Variants in OPCML observed in about 807,000 individuals in gnomAD.
OPCML encodes the protein opioid binding protein/cell adhesion molecule like, also known as opioid-binding protein/cell adhesion molecule.
In OPCML, 13 loss-of-function variants were observed where a neutral mutation model predicts 37.8. That is an observed-to-expected ratio of 0.34 (90% CI 0.22 to 0.55). The LOEUF (loss-of-function observed/expected upper bound fraction) is 0.55, where lower values mean the gene tolerates loss of function less well. Among genes scored for constraint, OPCML ranks in the 20% least tolerant of loss-of-function variants. OPCML has a pLI of 0.91. For missense variants in OPCML, 341 were observed against 435.6 expected, an observed-to-expected ratio of 0.78 and a Z score of 1.93; for synonymous variants, 176 against 168.8, an observed-to-expected ratio of 1.04 and a Z score of -0.33.
At chr11:132,969,866 T>C (rs974248354) in intron 1 of OPCML, among the ~76,000 whole-genome samples, 3 of 152,228 alleles carry the variant, frequency 2.0e-5, no homozygotes, top group Non-Finnish European at 2.9e-5. Flanking sequence ...GTTTTTTAAA[T>C]ATATTTATTA....
At chr11:133,287,424 C>T (rs1422856288) in intron 1 of OPCML, among the ~76,000 whole-genome samples, 1 of 150,132 alleles carries the variant, frequency 6.7e-6, no homozygotes, top group Non-Finnish European at 1.5e-5. Flanking sequence ...AATATTGCTT[C>T]GACATGCACA....
At chr11:132,553,522 T>G (rs2096387218) in intron 3 of OPCML, among the ~76,000 whole-genome samples, 1 of 152,206 alleles carries the variant, frequency 6.6e-6, no homozygotes, top group Non-Finnish European at 1.5e-5. Flanking sequence ...CAGAAGGGCA[T>G]AGCTGAGTGC....
At chr11:132,620,850 G>A (rs1939359783) in intron 3 of OPCML, among the ~76,000 whole-genome samples, 1 of 152,198 alleles carries the variant, frequency 6.6e-6, no homozygotes, top group South Asian at 2.1e-4. Context: ...AGAGAAGCCA[G>A]ATCCCATGCC....
At position 133,504,003 on chromosome 11, in the gene OPCML, AAGACGGGCTTCCTGAGGAAGACTCTACT is replaced by A. The variant is rs555325637; in HGVS notation, c.61+28233_61+28260del. Among the ~76,000 whole-genome samples the A allele has an allele frequency of 1.6e-3, 247 of 152,324 alleles. No individual in the cohort carries two copies. The Middle Eastern group carries it at 0.017, about 10-fold the overall frequency. On this transcript the variant is annotated intron_variant, in intron 1 of 7. Coordinates refer to ENST00000524381, the MANE Select transcript of OPCML (RefSeq NM_001012393.5). ...CTCCAGATTCAGACAAGCACGGGCC[AAGACGGGCTTCCTGAGGAAGACTCTACT>A]AGCCCCAGGTCCCACATTCTCAAAG...
chr11:133,303,240 C>T (rs1434239511), intron 1 of OPCML, among the ~76,000 whole-genome samples: 1 of 152,076 alleles, frequency 6.6e-6, no homozygotes, highest in Non-Finnish European at 1.5e-5. Context: ...ACAGGAAAGA[C>T]AATTAAGACA....
intron 1 of OPCML, among the ~76,000 whole-genome samples, chr11:133,315,777 G>C (rs1311017544): frequency 6.6e-6 from 1 of 152,146 alleles, no homozygotes; most frequent in Non-Finnish European, 1.5e-5. Context: ...CAGCCTGGGA[G>C]ACAAGAGCAA....
At chr11:132,575,228 A>G (rs1380001631) in intron 3 of OPCML, among the ~76,000 whole-genome samples, 1 of 152,054 alleles carries the variant, frequency 6.6e-6, no homozygotes, top group East Asian at 1.9e-4. Flanking sequence ...TCAGCCACTC[A>G]ATGCGTTTTG....
intron 1 of OPCML, among the ~76,000 whole-genome samples, chr11:133,192,519 C>A (rs1938366500): frequency 6.6e-6 from 1 of 152,212 alleles, no homozygotes; most frequent in Admixed American, 6.5e-5. Context: ...GAAGGTAAAA[C>A]TTGCATTTCC....
intron 3 of OPCML, among the ~76,000 whole-genome samples, chr11:132,645,583 C>A (rs1941106103): frequency 6.6e-6 from 1 of 152,086 alleles, no homozygotes; most frequent in Non-Finnish European, 1.5e-5. Context: ...AAATTACAGT[C>A]TAGGAGAGCA....
At chr11:132,620,554 A>T (rs78063190) in intron 3 of OPCML, among the ~76,000 whole-genome samples, 17,312 of 152,174 alleles carry the variant, frequency 0.11, 1,673 homozygotes, top group African/African-American at 0.25. Context: ...AAGCAACCCA[A>T]GGTGACGCTT....
intron 1 of OPCML, among the ~76,000 whole-genome samples, chr11:132,974,310 G>A (rs536746276): frequency 6.6e-5 from 10 of 152,080 alleles, no homozygotes; most frequent in South Asian, 2.1e-4. Flanking sequence ...CAAAATGTTC[G>A]CTTCCATTTC....
chr11:132,673,178 C>T (rs1467244032), intron 2 of OPCML, among the ~76,000 whole-genome samples: 2 of 152,184 alleles, frequency 1.3e-5, no homozygotes, highest in Non-Finnish European at 2.9e-5. Flanking sequence ...TGGTATCGTC[C>T]TTCCTGACAC....
intron 1 of OPCML, among the ~76,000 whole-genome samples, chr11:133,078,180 G>T (rs145086160): frequency 1.3e-5 from 2 of 152,310 alleles, no homozygotes; most frequent in African/African-American, 4.8e-5. Context: ...CACCAAGCAG[G>T]GGTGTGGACG....
chr11:133,503,856 T>G (rs961674642), intron 1 of OPCML, among the ~76,000 whole-genome samples: 1 of 152,042 alleles, frequency 6.6e-6, no homozygotes, highest in African/African-American at 2.4e-5. Context: ...CCTGGCCCCA[T>G]CTGCAGAGTC....
At chr11:133,441,029 C>A (rs1462422217) in intron 1 of OPCML, among the ~76,000 whole-genome samples, 2 of 151,436 alleles carry the variant, frequency 1.3e-5, no homozygotes, top group Admixed American at 6.6e-5. Context: ...GAGGGTTTTA[C>A]AGATAAATTA....
At chr11:133,172,757 C>A (rs1196407060) in intron 1 of OPCML, among the ~76,000 whole-genome samples, 9 of 152,034 alleles carry the variant, frequency 5.9e-5, no homozygotes, top group African/African-American at 2.2e-4. Flanking sequence ...GTCCAAAAAA[C>A]AATATATAAT....
intron 2 of OPCML, among the ~76,000 whole-genome samples, chr11:132,792,618 C>G (rs1937996989): frequency 6.6e-6 from 1 of 152,122 alleles, no homozygotes; most frequent in Non-Finnish European, 1.5e-5. Context: ...GACCTCTTTG[C>G]TGGCTTGGGA....
chr11:133,168,574 A>G (rs754360666), intron 1 of OPCML, among the ~76,000 whole-genome samples: 2 of 152,220 alleles, frequency 1.3e-5, no homozygotes, highest in Non-Finnish European at 2.9e-5. Flanking sequence ...AATATAAAAT[A>G]TGGTACAGTT....
At chr11:133,186,073 T>G (rs1483600395) in intron 1 of OPCML, among the ~76,000 whole-genome samples, 1 of 152,030 alleles carries the variant, frequency 6.6e-6, no homozygotes, top group Admixed American at 6.5e-5. Context: ...TTTGTAGTTA[T>G]TTCAGATCCA....
Sources: gnomAD v4.1 joint callset for allele counts (sites outside exome capture counted in the v4.1 genomes callset) on GRCh38, gnomAD v4.1.1 for gene constraint, MANE v1.5 for transcripts, NCBI Gene and HGNC (gene_info 2026-07-23, HGNC 2026-07-21) for gene names.